Variants in OPCML observed in about 807,000 individuals in gnomAD.
The protein encoded by OPCML is opioid-binding protein/cell adhesion molecule.
Under a neutral mutation model 37.8 loss-of-function variants are expected in OPCML, and 13 were observed. That is an observed-to-expected ratio of 0.34 (90% CI 0.22 to 0.55). OPCML has a LOEUF of 0.55. OPCML is among the 20% of genes least tolerant of loss of function. The pLI is 0.91. For missense variants in OPCML, 341 were observed against 435.6 expected (o/e 0.78, Z 1.93); for synonymous variants, 176 against 168.8 (o/e 1.04, Z -0.33).
chr11:133,009,133 T>A (rs1249429497), intron 1 of OPCML: 1 of 985,256 alleles, frequency 1.0e-6, no homozygotes, highest in Non-Finnish European at 1.2e-6. Flanking sequence ...CAGAGAACAC[T>A]GATTTAGATT....
chr11:133,155,313 T>C (rs1296967836), intron 1 of OPCML, among the ~76,000 whole-genome samples: 1 of 152,184 alleles, frequency 6.6e-6, no homozygotes, highest in Non-Finnish European at 1.5e-5. Context: ...CCGTCTATCA[T>C]CTGCCTTCTG....
intron 1 of OPCML, among the ~76,000 whole-genome samples, chr11:133,496,916 T>C (rs1393752533): frequency 6.6e-6 from 1 of 152,184 alleles, no homozygotes; most frequent in African/African-American, 2.4e-5. Flanking sequence ...TGATTTCTCT[T>C]GCTAGGACTT....
chr11:133,449,456 A>T (rs1429182034), intron 1 of OPCML, among the ~76,000 whole-genome samples: 1 of 152,186 alleles, frequency 6.6e-6, no homozygotes, highest in African/African-American at 2.4e-5. Context: ...GGTATAGTGT[A>T]GTTTCTTAGG....
At chr11:133,455,628 T>A (rs1297130666) in intron 1 of OPCML, among the ~76,000 whole-genome samples, 1 of 152,202 alleles carries the variant, frequency 6.6e-6, no homozygotes, top group Admixed American at 6.5e-5. Context: ...GAAAACATCA[T>A]AATATCAATG....
intron 4 of OPCML, among the ~76,000 whole-genome samples, chr11:132,470,405 C>T (rs1019587150): frequency 6.6e-6 from 1 of 151,950 alleles, no homozygotes; most frequent in African/African-American, 2.4e-5. Context: ...GATGGATAGC[C>T]GTGTCAGTCA....
chr11:133,095,029 A>G (rs1315502790), intron 1 of OPCML, among the ~76,000 whole-genome samples: 1 of 152,062 alleles, frequency 6.6e-6, no homozygotes, highest in Non-Finnish European at 1.5e-5. Flanking sequence ...ATAGTGCATT[A>G]TATTCCCAAG....
chr11:132,771,477 G>C (rs1292641251), intron 2 of OPCML: 1 of 152,140 alleles, frequency 6.6e-6, no homozygotes, highest in Non-Finnish European at 1.5e-5. Context: ...GGCACAAAAA[G>C]GAATAGGTGA....
At chr11:133,143,526 A>G (rs1168693287) in intron 1 of OPCML, among the ~76,000 whole-genome samples, 1 of 152,020 alleles carries the variant, frequency 6.6e-6, no homozygotes, top group African/African-American at 2.4e-5. Context: ...CATGTGAGAA[A>G]GGAACAACAA....
At chr11:132,914,276 G>T (rs1048350858) in intron 2 of OPCML, among the ~76,000 whole-genome samples, 1 of 152,196 alleles carries the variant, frequency 6.6e-6, no homozygotes, top group African/African-American at 2.4e-5. Flanking sequence ...ACAATGCTTA[G>T]TGTCTTCCCA....
At chr11:132,833,974 C>CA (rs1565897467) in intron 2 of OPCML, among the ~76,000 whole-genome samples, 1 of 152,068 alleles carries the variant, frequency 6.6e-6, no homozygotes, top group African/African-American at 2.4e-5. Flanking sequence ...TAGTTTAGAA[C>CA]AAAAAAGAGA....
rs190505114 is a variant in OPCML, at chr11:133,292,585, C to T, written c.61+239679G>A. 3.9e-5 allele frequency among the ~76,000 whole-genome samples: 6 copies of T among 152,242 alleles called. No individual in the cohort carries two copies. In the East Asian group the frequency reaches 7.7e-4, roughly 20 times the overall value. ...CTGTGCTCCAATTCCCCAAGGCAAA[C>T]GAACACGGGAGGCAGGTCCGTACGC... On this transcript the variant is annotated intron_variant, in intron 1 of 7. Coordinates refer to ENST00000524381, the MANE Select transcript of OPCML (RefSeq NM_001012393.5).
chr11:132,957,258 C>T (rs1591846386), intron 1 of OPCML, among the ~76,000 whole-genome samples: 1 of 151,094 alleles, frequency 6.6e-6, no homozygotes, highest in East Asian at 1.9e-4. Flanking sequence ...GCTCATCCTC[C>T]TTCCTTCCAC....
rs529955805 is a variant in OPCML at position 133,206,036 on chromosome 11, G to T, written c.62-263026C>A. Among the ~76,000 whole-genome samples, 1 of 152,282 alleles carries T rather than the reference G, an allele frequency of 6.6e-6. No individual in the cohort carries two copies. The highest frequency in any genetic ancestry group is 2.1e-4 in the South Asian group (1 of 4,826). On this transcript the variant is annotated intron_variant, in intron 1 of 7. Transcript: ENST00000524381. The surrounding 1 kb of genome is among the most constrained non-coding windows in gnomAD (Gnocchi z 4.7). Reference sequence around the variant, plus strand: ...TGCCGTGAGGAATACAAGAGCTAATGTACATACATGATGTAGTACCATGTC... The same window carrying T: ...TGCCGTGAGGAATACAAGAGCTAATTTACATACATGATGTAGTACCATGTC...
intron 1 of OPCML, among the ~76,000 whole-genome samples, chr11:133,019,822 C>G (rs2136898659): frequency 6.6e-6 from 1 of 152,240 alleles, no homozygotes; most frequent in East Asian, 1.9e-4. Context: ...CCTGGTGCAA[C>G]CACTGAAAAC....
intron 2 of OPCML, among the ~76,000 whole-genome samples, chr11:132,776,095 A>G (rs925165687): frequency 2.6e-5 from 4 of 151,892 alleles, no homozygotes; most frequent in Non-Finnish European, 5.9e-5. Flanking sequence ...ATGCCTGGCT[A>G]AGTTTTGTAT....
intron 1 of OPCML, among the ~76,000 whole-genome samples, chr11:133,289,486 T>A (rs1419802522): frequency 1.4e-5 from 2 of 147,840 alleles, no homozygotes; most frequent in South Asian, 2.1e-4. Context: ...TCCCAGCTAC[T>A]CGGGAGGCTG....
At chr11:133,016,062 C>T (rs942426512) in intron 1 of OPCML, among the ~76,000 whole-genome samples, 11 of 152,144 alleles carry the variant, frequency 7.2e-5, no homozygotes, top group Non-Finnish European at 1.0e-4. Flanking sequence ...TTGTGAGATC[C>T]GAAAGGACAG....
chr11:133,202,462 G>T (rs911967900), intron 1 of OPCML, among the ~76,000 whole-genome samples: 3 of 152,138 alleles, frequency 2.0e-5, no homozygotes, highest in Admixed American at 2.0e-4. Context: ...CTGTCAGGGG[G>T]ACCTCACTAT....
chr11:132,859,761 A>G (rs1942218547), intron 2 of OPCML, among the ~76,000 whole-genome samples: 1 of 152,180 alleles, frequency 6.6e-6, no homozygotes, highest in African/African-American at 2.4e-5. Flanking sequence ...TCCTAATTAC[A>G]CTTTATATTT....
Sources: allele counts gnomAD v4.1 joint callset (sites outside exome capture counted in the v4.1 genomes callset), GRCh38; gene constraint gnomAD v4.1.1; non-coding constraint Gnocchi (gnomAD v3.1); transcripts MANE v1.5; gene names NCBI Gene and HGNC (gene_info 2026-07-23, HGNC 2026-07-21).